Variants in SAMD3 observed in about 807,000 individuals in gnomAD.
SAMD3 encodes sterile alpha motif domain-containing protein 3.
SAMD3 carries 63 observed loss-of-function variants against 58.5 expected under a neutral mutation model. The ratio of observed to expected loss-of-function variants is 1.08; its 90% CI spans 0.88 to 1.33. SAMD3 has a LOEUF of 1.33. Among genes scored for constraint, SAMD3 ranks in the 40% most tolerant of loss-of-function variants. The pLI is 0.00. For synonymous variants in SAMD3, 220 were observed against 210.3 expected (o/e 1.05, Z -0.40); for missense variants, 604 against 608.4 (o/e 0.99, Z 0.08).
intron 1 of SAMD3, among the ~76,000 whole-genome samples, chr6:130,351,009 A>G (rs1453317545): frequency 6.6e-6 from 1 of 152,222 alleles, no homozygotes; most frequent in East Asian, 1.9e-4. Context: ...GTGCTGAGAA[A>G]AGTGGCTAGC....
chr6:130,315,169 G>T (rs1161112495), intron 1 of SAMD3, among the ~76,000 whole-genome samples: 3 of 152,046 alleles, frequency 2.0e-5, no homozygotes, highest in Non-Finnish European at 4.4e-5. Context: ...GTGCTTACAT[G>T]AAAGTCAATA....
At chr6:130,248,563 G>A (rs1267827668) in intron 2 of SAMD3, among the ~76,000 whole-genome samples, 3 of 152,154 alleles carry the variant, frequency 2.0e-5, no homozygotes, top group Non-Finnish European at 4.4e-5. Context: ...AGGGATGCCA[G>A]TCTACTCACT....
rs962498782 is a variant in SAMD3, at chr6:130,328,471, C to T, written c.-303-15378G>A. On this transcript the variant is annotated intron_variant, in intron 1 of 13. Transcript: ENST00000368134. Reference sequence around the variant, plus strand: ...ATCAATGCCCAGGCAATACTAATCCCATAACTCCACCTAAAAGAGTAGGAC... The same window carrying T: ...ATCAATGCCCAGGCAATACTAATCCTATAACTCCACCTAAAAGAGTAGGAC... 4.6e-5 allele frequency among the ~76,000 whole-genome samples: 7 copies of T among 152,196 alleles called. No individual in the cohort carries two copies. In the South Asian group the frequency reaches 1.2e-3, roughly 27 times the overall value.
At chr6:130,365,826 C>T, upstream of SAMD3, 3 of 985,640 alleles carry the variant, frequency 3.0e-6, no homozygotes, top group Non-Finnish European at 3.6e-6. Flanking sequence ...TCCTGCAGAG[C>T]AGATCCTGTC....
intron 2 of SAMD3, among the ~76,000 whole-genome samples, chr6:130,307,203 TG>T (rs1419105794): frequency 2.6e-5 from 4 of 152,218 alleles, no homozygotes; most frequent in African/African-American, 9.6e-5. Flanking sequence ...AGATTATACA[TG>T]GGGTGAATGC....
rs185609850 is a variant in SAMD3 at position 130,199,575 on chromosome 6, T to C, written c.383+9920A>G. 1.7e-3 allele frequency among the ~76,000 whole-genome samples: 255 copies of C among 152,336 alleles called. 1 individual carries two copies. The highest frequency in any genetic ancestry group is 5.8e-3 in the African/African-American group (242 of 41,580). ...ACTACAAGTGAATCAGAAATTCTGC[T>C]TCTGAGTTAATTATGCCAGTAACCT... is the stretch of plus-strand genomic sequence containing the variant. On this transcript the variant is annotated intron_variant, in intron 5 of 11. Coordinates refer to ENST00000439090, the MANE Select transcript of SAMD3 (RefSeq NM_001017373.4).
chr6:130,215,257 A>G lies in SAMD3; in HGVS notation c.17T>C (p.Val6Ala). 3 of 1,609,956 alleles carry G rather than the reference A, an allele frequency of 1.9e-6. No individual in the cohort carries two copies. Among genetic ancestry groups the G allele is most frequent in the South Asian group, 1.1e-5 (1 of 90,768 alleles). The change falls in exon 3 of 12, where the codon GTT (valine) becomes GCT (alanine). Residue 6 changes from valine (V) to alanine (A), a missense_variant. Physicochemically the swap from Val to Ala is moderately conservative, Grantham distance 64. Coordinates refer to ENST00000439090, the MANE Select transcript of SAMD3 (RefSeq NM_001017373.4). ...CACCAACCAACTGCAGACCTGCTCA[A>G]CTGACCAGGTTTCCATTGCTGTCTC... METWS[V>A]EQVCSWLVEK...
intron 5 of SAMD3, among the ~76,000 whole-genome samples, chr6:130,201,664 T>A (rs1197231922): frequency 1.3e-5 from 2 of 152,186 alleles, no homozygotes; most frequent in Non-Finnish European, 2.9e-5. Context: ...AGCAACTCCA[T>A]CTTCTCTGCC....
intron 3 of SAMD3, 133 bp from the exon 4 acceptor site, chr6:130,214,659 T>C: frequency 3.4e-6 from 2 of 588,004 alleles, no homozygotes; most frequent in Non-Finnish European, 5.4e-6. Context: ...TTTATCCATA[T>C]TTTTGACAAA....
At chr6:130,270,136 G>A (rs936914951) in intron 2 of SAMD3, among the ~76,000 whole-genome samples, 2 of 152,104 alleles carry the variant, frequency 1.3e-5, no homozygotes, top group Admixed American at 6.5e-5. Context: ...CTGTTGCCCA[G>A]GCTGGAGTGC....
chr6:130,159,323 C>G (rs1280622354), intron 8 of SAMD3, among the ~76,000 whole-genome samples: 1 of 152,198 alleles, frequency 6.6e-6, no homozygotes, highest in Non-Finnish European at 1.5e-5. Flanking sequence ...AATTGTGAGG[C>G]CTCCCCAGTC....
intron 8 of SAMD3, among the ~76,000 whole-genome samples, chr6:130,157,906 G>A (rs75751653): frequency 0.01 from 1,530 of 150,318 alleles, 13 homozygotes; most frequent in East Asian, 0.036. Flanking sequence ...TCTAACATAC[G>A]CTAACATAGA....
At chr6:130,360,420 C>T (rs1263318283) in intron 1 of SAMD3, among the ~76,000 whole-genome samples, 1 of 152,092 alleles carries the variant, frequency 6.6e-6, no homozygotes, top group Non-Finnish European at 1.5e-5. Flanking sequence ...CTGGGGGAGA[C>T]ATCACATGTT....
At chr6:130,282,649 GA>G (rs200723427) in intron 2 of SAMD3, among the ~76,000 whole-genome samples, 12 of 148,842 alleles carry the variant, frequency 8.1e-5, no homozygotes, top group African/African-American at 3.0e-4. Flanking sequence ...AGTGTTCTAA[GA>G]AAAAAAAAAT....
intron 2 of SAMD3, among the ~76,000 whole-genome samples, chr6:130,304,417 G>A (rs1395651651): frequency 2.0e-5 from 3 of 152,180 alleles, no homozygotes; most frequent in Admixed American, 1.3e-4. Flanking sequence ...TGATTCACCC[G>A]CCTCGGCCTC....
chr6:130,231,265 C>A lies in SAMD3; in HGVS notation c.-187-8452G>T, dbSNP rs1194776654. 2.0e-5 allele frequency among the ~76,000 whole-genome samples: 3 copies of A among 152,188 alleles called. No individual in the cohort carries two copies. The East Asian group carries it at 5.8e-4, about 29-fold the overall frequency. On this transcript the variant is annotated intron_variant, in intron 2 of 13. Coordinates refer to the SAMD3 transcript ENST00000368134. The stretch of plus-strand genomic sequence containing the variant: ...ATTTTTTCCCATGTTATTCAACTTT[C>A]TAAAATGTAATTTTTAGGCCAGGCA...
chr6:130,245,903 T>C (rs895545862), intron 2 of SAMD3, among the ~76,000 whole-genome samples: 1 of 152,030 alleles, frequency 6.6e-6, no homozygotes, highest in Non-Finnish European at 1.5e-5. Flanking sequence ...TACACGAACA[T>C]AGGAGAAGGT....
intron 9 of SAMD3, among the ~76,000 whole-genome samples, chr6:130,152,331 C>A (rs1789284376): frequency 6.6e-6 from 1 of 152,130 alleles, no homozygotes; most frequent in Non-Finnish European, 1.5e-5. Flanking sequence ...CTGCCTAGGG[C>A]TGAGTCAGGG....
chr6:130,200,565 A>AG (rs1794564166), intron 5 of SAMD3, among the ~76,000 whole-genome samples: 1 of 151,238 alleles, frequency 6.6e-6, no homozygotes, highest in East Asian at 1.9e-4. Context: ...CACAAAAAAA[A>AG]AAAAAAAAAA....
Sources: allele counts gnomAD v4.1 joint callset (sites outside exome capture counted in the v4.1 genomes callset), GRCh38; gene constraint gnomAD v4.1.1; transcripts MANE v1.5; gene names NCBI Gene and HGNC (gene_info 2026-07-23, HGNC 2026-07-21).